The following TAT variants were observed in gnomAD, a reference collection of about 807,000 sequenced individuals.
TAT encodes the protein L-tyrosine:2-oxoglutarate aminotransferase.
In TAT, 35 loss-of-function variants were observed where a neutral mutation model predicts 53.6. That is an observed-to-expected ratio of 0.65 (90% CI 0.50 to 0.87). The LOEUF is 0.87. TAT is among the 40% of genes least tolerant of loss of function. The pLI, the probability that TAT is intolerant of heterozygous loss-of-function variation, is 0.00. For missense variants in TAT, 525 were observed against 571.8 expected (o/e 0.92, Z 0.83); for synonymous variants, 197 against 206.5 (o/e 0.95, Z 0.39).
At chr16:71,576,496 G>T in intron 1 of TAT, 69 bp from the exon 2 acceptor site, 1 of 1,337,898 alleles carries the variant, frequency 7.5e-7, no homozygotes, top group African/African-American at 1.4e-5. Context: ...GCTACATTTG[G>T]ACCTAAACAT....
chr16:71,570,213 G>T, intron 9 of TAT, 56 bp downstream of exon 9: 1 of 1,613,150 alleles, frequency 6.2e-7, no homozygotes, highest in South Asian at 1.1e-5. Context: ...CTAATTCCAC[G>T]GGCGGCATTC....
At position 71,576,475 on chromosome 16, in the gene TAT, G is replaced by A. The variant is rs2044236233; in HGVS notation, c.-12-48C>T. The A allele has an allele frequency of 2.0e-6, 3 of 1,511,676 alleles. No individual in the cohort carries two copies. The South Asian group carries it at 3.4e-5, about 17-fold the overall frequency. The allele number at this position is 1,511,676 out of a possible 1,614,324, so 93.6% of individuals were successfully genotyped here. On this transcript the variant is annotated intron_variant, in intron 1 of 11. Coordinates refer to ENST00000355962, the MANE Select transcript of TAT (RefSeq NM_000353.3). ...TGTGATGTTGATAACATAGCGCTGG[G>A]GGACAGAGGAGCTACATTTGGACCT...
intron 1 of TAT, 104 bp from the exon 2 acceptor site, chr16:71,576,531 T>C (rs1411173220): frequency 9.6e-6 from 9 of 941,160 alleles, no homozygotes; most frequent in Middle Eastern, 2.9e-4. Context: ...AAAAGTGTCT[T>C]TCCAAACTCT....
rs1456728106 is a variant in TAT, at chr16:71,568,241, G to A, written c.1268C>T (p.Pro423Leu). ...PNFIRVVITV[P>L]EVMMLEACSR... ...GCACGCCTCCAGCATCATCACCTCG[G>A]GGACTGTGATGACCACTCGGATGAA... Residue 423 changes from proline (P) to leucine (L), a missense_variant, in exon 12 of 12, where the codon CCC (proline) becomes CTC (leucine). By Grantham distance (98) the Pro-to-Leu change is moderately conservative. Coordinates refer to ENST00000355962, the MANE Select transcript of TAT (RefSeq NM_000353.3). The A allele has an allele frequency of 1.9e-6, 3 of 1,614,124 alleles. No individual in the cohort carries two copies. The highest frequency in any genetic ancestry group is 2.5e-6 in the Non-Finnish European group (3 of 1,179,996).
At position 71,575,992 on chromosome 16, in the gene TAT, G is replaced by A. The variant is rs996219483; in HGVS notation, c.270C>T (p.Asp90=). The A allele has an allele frequency of 6.2e-7, 1 of 1,614,060 alleles. No homozygotes were observed. The highest frequency in any genetic ancestry group is 8.5e-7 in the Non-Finnish European group (1 of 1,180,050). Residue 90 remains aspartate, a synonymous_variant, in exon 3 of 12, where the codon GAC becomes GAT. Transcript: ENST00000355962. ...CTTTCATTGCCTGGGTAACTTCAGG[G>A]TCTGTAGGCAGGTTTCCAAACACAG... ...DPTVFGNLPT[D]PEVTQAMKDA...
chr16:71,570,298 A>T lies in TAT; in HGVS notation c.1012T>A (p.Phe338Ile), dbSNP rs748303589. Reference sequence around the variant, plus strand: ...AGGAAGCTCAGAGTGTTGTGGTAAAACTCTCCCGGGGTGCGACATAGGATG... The same window carrying T: ...AGGAAGCTCAGAGTGTTGTGGTAAATCTCTCCCGGGGTGCGACATAGGATG... ...KSILCRTPGE[F>I]YHNTLSFLKS... The change falls in exon 9 of 12, where the codon TTT (phenylalanine) becomes ATT (isoleucine). Residue 338 changes from phenylalanine (F) to isoleucine (I), a missense_variant. Physicochemically the swap from Phe to Ile is conservative, Grantham distance 21. Transcript: ENST00000355962. The T allele has an allele frequency of 3.7e-6, 6 of 1,613,606 alleles. No individual in the cohort carries two copies. The highest frequency in any genetic ancestry group is 5.1e-6 in the Non-Finnish European group (6 of 1,179,942).
chr16:71,568,025 C>G lies in TAT; in HGVS notation c.*119G>C. 1 of 1,227,944 alleles carries G rather than the reference C, an allele frequency of 8.1e-7. No homozygotes were observed. The highest frequency in any genetic ancestry group is 1.2e-5 in the South Asian group (1 of 81,732). The allele number at this position is 1,227,944 out of a possible 1,614,324, so 76.1% of individuals were successfully genotyped here. ...GGAAAAGCAGGAACAATCTTGAACC[C>G]TTGACATGGTGCATTTGAGGCCCCT... is the stretch of plus-strand genomic sequence containing the variant. On this transcript the variant is annotated 3_prime_UTR_variant, in exon 12 of 12. Transcript: ENST00000355962.
rs2044157958 is a variant in TAT, at chr16:71,565,664, A to G, written c.*2480T>C. ...TGACCTCCAGAGCGCGCAGAATTAC[A>G]AAGTTGAGTAATACTTTATTTGAAA... On this transcript the variant is annotated 3_prime_UTR_variant, in exon 12 of 12. Coordinates refer to ENST00000355962, the MANE Select transcript of TAT (RefSeq NM_000353.3). 1 of 151,984 alleles carries G rather than the reference A, an allele frequency of 6.6e-6. No individual in the cohort carries two copies. Among genetic ancestry groups the G allele is most frequent in the Non-Finnish European group, 1.5e-5 (1 of 68,080 alleles). The allele number at this position is 151,984 out of a possible 1,614,324, so 9.4% of individuals were successfully genotyped here. A position where few individuals can be genotyped will look rare whatever the true frequency, so the allele number is the denominator to read the frequency against.
In TAT at chr16:71,566,517, G is replaced by A. The variant is rs1389428627; in HGVS notation, c.*1627C>T. 2 of 151,330 alleles carry A rather than the reference G, an allele frequency of 1.3e-5. No homozygotes were observed. Among genetic ancestry groups the A allele is most frequent in the East Asian group, 3.9e-4 (2 of 5,178 alleles). 9.4% of individuals were successfully genotyped at this position (151,330 alleles called of 1,614,324 possible). A position where few individuals can be genotyped will look rare whatever the true frequency, so the allele number is the denominator to read the frequency against. On this transcript the variant is annotated 3_prime_UTR_variant, in exon 12 of 12. Coordinates refer to ENST00000355962, the MANE Select transcript of TAT (RefSeq NM_000353.3). ...ATCTAGGACACTTCTCATTCACTGG[G>A]TCAAGCCAGAGCCATCAACTTTGTG... is the stretch of plus-strand genomic sequence containing the variant.
chr16:71,568,843 G>A, intron 10 of TAT, 34 bp from the exon 11 acceptor site: 1 of 1,548,776 alleles, frequency 6.5e-7, no homozygotes, highest in Non-Finnish European at 8.9e-7. Flanking sequence ...CAACTTATCA[G>A]AAGGAGGGAG....
rs1162243703 is a variant in TAT at position 71,566,374 on chromosome 16, T to C, written c.*1770A>G. ...CTCTAGACTAGTTATGATAGATTCC[T>C]AACCCCCAACCTTGAAAGGTAACTT... On this transcript the variant is annotated 3_prime_UTR_variant, in exon 12 of 12. Coordinates refer to ENST00000355962, the MANE Select transcript of TAT (RefSeq NM_000353.3). The C allele has an allele frequency of 1.4e-5, 2 of 147,212 alleles. No homozygotes were observed. Among genetic ancestry groups the C allele is most frequent in the East Asian group, 4.0e-4 (2 of 4,974 alleles). The allele number at this position is 147,212 out of a possible 1,614,324, so 9.1% of individuals were successfully genotyped here. A position where few individuals can be genotyped will look rare whatever the true frequency, so the allele number is the denominator to read the frequency against.
At chr16:71,569,058 T>C (rs999398884) in intron 10 of TAT, among the ~76,000 whole-genome samples, 6 of 152,224 alleles carry the variant, frequency 3.9e-5, no homozygotes, top group Admixed American at 1.3e-4. Context: ...AATGCTAGTA[T>C]GTCTCAAAAG....
Position 71,568,083 on chromosome 16 carries a change from C to G in TAT, c.*61G>C. ...TAGGGCCACCTGAGTCCCTGAGGAG[C>G]CGCAAGGCCTAGTCCAGCCTTCCCT... On this transcript the variant is annotated 3_prime_UTR_variant, in exon 12 of 12. Transcript: ENST00000355962. The G allele has an allele frequency of 6.2e-7, 1 of 1,609,024 alleles. No individual in the cohort carries two copies. Among genetic ancestry groups the G allele is most frequent in the South Asian group, 1.1e-5 (1 of 90,858 alleles).
rs2044165989 is a variant in TAT at position 71,566,832 on chromosome 16, C to A, written c.*1312G>T. 1 of 143,170 alleles carries A rather than the reference C, an allele frequency of 7.0e-6. No homozygotes were observed. The highest frequency in any genetic ancestry group is 2.6e-5 in the African/African-American group (1 of 38,604). The allele number at this position is 143,170 out of a possible 1,614,324, so 8.9% of individuals were successfully genotyped here. On this transcript the variant is annotated 3_prime_UTR_variant, in exon 12 of 12. Transcript: ENST00000355962. ...AGAAATTCCCAAACGGAGAAAAAAA[C>A]ACATCACAGAAGAGCCATACTTGGT...
rs769594175 is a variant in TAT, at chr16:71,571,593, G to A, written c.759+13C>T. 9 of 1,611,388 alleles carry A rather than the reference G, an allele frequency of 5.6e-6. No individual in the cohort carries two copies. In the South Asian group the frequency reaches 8.8e-5, roughly 16 times the overall value. On this transcript the variant is annotated intron_variant, in intron 7 of 11. Transcript: ENST00000355962. ...TGAGATTACTGTAGTGATATATCCT[G>A]ATCAAGACTCACCATGTCTCCATAG...
chr16:71,570,714 G>A lies in TAT; in HGVS notation c.877C>T (p.Leu293Phe), dbSNP rs371761467. ...LVPGWRLGWI[L>F]IHDRRDIFGN... Reference sequence around the variant, plus strand: ...AAAATGTCTCTTCGGTCATGAATGAGGATCCAGCCCAACCTCCAGCCAGGA... The same window carrying A: ...AAAATGTCTCTTCGGTCATGAATGAAGATCCAGCCCAACCTCCAGCCAGGA... Residue 293 changes from leucine (L) to phenylalanine (F), a missense_variant, in exon 8 of 12, where the codon CTC becomes TTC. Leu to Phe is a conservative substitution (Grantham distance 22, BLOSUM62 0). Transcript: ENST00000355962. The A allele has an allele frequency of 2.5e-6, 4 of 1,614,172 alleles. No individual in the cohort carries two copies. Among genetic ancestry groups the A allele is most frequent in the Non-Finnish European group, 3.4e-6 (4 of 1,180,032 alleles).
In TAT at chr16:71,573,544, C is replaced by A. The variant is rs1480023387; in HGVS notation, c.403G>T (p.Ala135Ser). 1.3e-6 allele frequency: 2 copies of A among 1,553,556 alleles called. No individual in the cohort carries two copies. Among genetic ancestry groups the A allele is most frequent in the Admixed American group, 3.9e-5 (2 of 51,332 alleles). Reference protein sequence around the residue: ...YYHCPEAPLEAKDVILTSGCS... With the variant: ...YYHCPEAPLESKDVILTSGCS... ...GTGTCTTGTATAAGGCTCACCTTAG[C>A]TTCTAGGGGTGCCTCAGGACAGTGG... The change falls in exon 4 of 12, where the codon GCT becomes TCT. Residue 135 changes from alanine to serine, a missense_variant. Transcript: ENST00000355962.
rs2044175777 is a variant in TAT, at chr16:71,567,982, G to A, written c.*162C>T. The A allele has an allele frequency of 1.3e-6, 1 of 752,834 alleles. No individual in the cohort carries two copies. The highest frequency in any genetic ancestry group is 1.7e-5 in the African/African-American group (1 of 58,498). 46.6% of individuals were successfully genotyped at this position (752,834 alleles called of 1,614,324 possible). ...ATGTGAATGAGGAGGATCTGAGTGT[G>A]GGTGTGGTTGTACTTGGGGAAAAGC... is the stretch of plus-strand genomic sequence containing the variant. On this transcript the variant is annotated 3_prime_UTR_variant, in exon 12 of 12. Coordinates refer to ENST00000355962, the MANE Select transcript of TAT (RefSeq NM_000353.3).
chr16:71,571,976 G>A, intron 6 of TAT: 1 of 655,562 alleles, frequency 1.5e-6, no homozygotes. Context: ...TTTTTCTCCT[G>A]GGAGTGATGA....
Sources: gnomAD v4.1 joint callset for allele counts (sites outside exome capture counted in the v4.1 genomes callset) on GRCh38, gnomAD v4.1.1 for gene constraint, MANE v1.5 for transcripts, NCBI Gene and HGNC (gene_info 2026-07-23, HGNC 2026-07-21) for gene names.